PCDH9: variants seen among roughly 807,000 people sequenced by gnomAD.
The protein encoded by PCDH9 is protocadherin-9.
In PCDH9, 24 loss-of-function variants were observed where a neutral mutation model predicts 70.6. The ratio of observed to expected loss-of-function variants is 0.34; its 90% CI spans 0.25 to 0.48. PCDH9 has a LOEUF of 0.48. Ranked by LOEUF, PCDH9 falls within the 20% of genes least tolerant of loss-of-function variation. PCDH9 has a pLI of 0.99. For synonymous variants in PCDH9, 562 were observed against 558.5 expected (o/e 1.01, Z -0.09); for missense variants, 1,281 against 1,503.6 (o/e 0.85, Z 2.45).
At chr13:66,626,951 CTGTGTGTG>C (rs10559380) in intron 4 of PCDH9, among the ~76,000 whole-genome samples, 114 of 147,444 alleles carry the variant, frequency 7.7e-4, no homozygotes, top group African/African-American at 2.1e-3. Context: ...TCAAATGCCA[CTGTGTGTG>C]TGTGTGTGTG....
intron 2 of PCDH9, among the ~76,000 whole-genome samples, chr13:67,128,921 C>T (rs868253681): frequency 1.3e-5 from 2 of 152,152 alleles, no homozygotes; most frequent in South Asian, 2.1e-4. Context: ...AAGGGGATAG[C>T]AGTGGTAAGT....
intron 4 of PCDH9, among the ~76,000 whole-genome samples, chr13:66,405,235 A>G (rs552651606): frequency 5.9e-5 from 9 of 151,886 alleles, no homozygotes; most frequent in Non-Finnish European, 1.2e-4. Context: ...TCACTTCTTC[A>G]TTTCTCTTTA....
chr13:66,712,747 A>G (rs1344263651), intron 3 of PCDH9, among the ~76,000 whole-genome samples: 2 of 152,112 alleles, frequency 1.3e-5, no homozygotes, highest in Admixed American at 6.5e-5. Context: ...TTGCACACAC[A>G]TTATATATTT....
At position 67,104,710 on chromosome 13, in the gene PCDH9, G is replaced by A. The variant is rs1594517379; in HGVS notation, c.3036+120695C>T. On this transcript the variant is annotated intron_variant, in intron 2 of 4. Coordinates refer to ENST00000377865, the MANE Select transcript of PCDH9 (RefSeq NM_203487.3). ...ACTACAAGCGCCCACCACCACGCTA[G>A]GCTAATTTTTTTGTATTTTTAGTAG... Among the ~76,000 whole-genome samples, 3 of 152,190 alleles carry A rather than the reference G, an allele frequency of 2.0e-5. No homozygotes were observed. The South Asian group carries it at 6.2e-4, about 32-fold the overall frequency.
chr13:67,042,317 A>G (rs2085136360), intron 2 of PCDH9, among the ~76,000 whole-genome samples: 2 of 152,156 alleles, frequency 1.3e-5, no homozygotes, highest in African/African-American at 4.8e-5. Flanking sequence ...ATGGCTGGGG[A>G]GGCATTAGGA....
chr13:66,511,832 A>T (rs1265507637), intron 4 of PCDH9, among the ~76,000 whole-genome samples: 1 of 152,076 alleles, frequency 6.6e-6, no homozygotes, highest in East Asian at 1.9e-4. Context: ...AAGCTTCCTG[A>T]GGCCGCCCCA....
chr13:66,996,434 G>A (rs1451053413), intron 2 of PCDH9, among the ~76,000 whole-genome samples: 2 of 152,038 alleles, frequency 1.3e-5, no homozygotes, highest in East Asian at 1.9e-4. Context: ...TTTAATTAGG[G>A]TGGGTGAGGT....
intron 3 of PCDH9, among the ~76,000 whole-genome samples, chr13:66,641,345 A>G (rs931879208): frequency 2.6e-5 from 4 of 152,236 alleles, no homozygotes; most frequent in African/African-American, 9.6e-5. Context: ...CACAAAAACA[A>G]GCAGTCACGT....
At chr13:66,394,636 T>C (rs1041790122) in intron 4 of PCDH9, among the ~76,000 whole-genome samples, 1 of 152,204 alleles carries the variant, frequency 6.6e-6, no homozygotes, top group African/African-American at 2.4e-5. Context: ...CATTTAAATA[T>C]ATATTAAGTG....
chr13:67,068,217 T>C (rs1034146313), intron 2 of PCDH9, among the ~76,000 whole-genome samples: 1 of 151,840 alleles, frequency 6.6e-6, no homozygotes, highest in African/African-American at 2.4e-5. Flanking sequence ...AAATGGAGTC[T>C]ATAAAATATG....
chr13:67,057,991 C>T (rs2085456089), intron 2 of PCDH9, among the ~76,000 whole-genome samples: 1 of 152,052 alleles, frequency 6.6e-6, no homozygotes, highest in Admixed American at 6.6e-5. Flanking sequence ...CTTACACATT[C>T]CCAATTTATA....
intron 2 of PCDH9, among the ~76,000 whole-genome samples, chr13:66,964,462 C>T (rs542244419): frequency 6.6e-6 from 1 of 151,912 alleles, no homozygotes; most frequent in Admixed American, 6.6e-5. Flanking sequence ...TTTGATCTAC[C>T]AGGTCACTGT....
intron 4 of PCDH9, among the ~76,000 whole-genome samples, chr13:66,423,128 T>A (rs540920754): frequency 4.6e-5 from 7 of 152,194 alleles, no homozygotes; most frequent in African/African-American, 1.7e-4. Flanking sequence ...AATCCCTGAA[T>A]AGACCAATAA....
chr13:66,733,593 G>T (rs1316925041), intron 3 of PCDH9, among the ~76,000 whole-genome samples: 1 of 151,582 alleles, frequency 6.6e-6, no homozygotes, highest in Non-Finnish European at 1.5e-5. Flanking sequence ...TGGAAAATCT[G>T]TTAAGTGGCA....
intron 2 of PCDH9, among the ~76,000 whole-genome samples, chr13:67,074,437 A>G (rs1362123386): frequency 2.0e-5 from 3 of 152,122 alleles, no homozygotes; most frequent in African/African-American, 7.2e-5. Flanking sequence ...TTTTGTTGTT[A>G]AGCTACCTGC....
At chr13:67,095,267 T>C (rs2086297200) in intron 2 of PCDH9, among the ~76,000 whole-genome samples, 1 of 152,132 alleles carries the variant, frequency 6.6e-6, no homozygotes, top group Non-Finnish European at 1.5e-5. Context: ...ACTCTATATA[T>C]CACAATTGAA....
intron 4 of PCDH9, among the ~76,000 whole-genome samples, chr13:66,421,661 A>C (rs1957569233): frequency 6.6e-6 from 1 of 152,346 alleles, no homozygotes; most frequent in East Asian, 1.9e-4. Flanking sequence ...TCCTGAAGAA[A>C]GCACTAAATA....
chr13:67,127,027 A>T (rs1275068895), intron 2 of PCDH9, among the ~76,000 whole-genome samples: 1 of 152,158 alleles, frequency 6.6e-6, no homozygotes. Context: ...ACTATGTCTT[A>T]GGTGGGAAAC....
chr13:67,090,349 C>T (rs1029303993), intron 2 of PCDH9, among the ~76,000 whole-genome samples: 9 of 151,946 alleles, frequency 5.9e-5, no homozygotes, highest in Admixed American at 1.3e-4. Context: ...TTAGACAACA[C>T]TTTGAATAGC....
Sources: allele counts gnomAD v4.1 joint callset (sites outside exome capture counted in the v4.1 genomes callset), GRCh38; gene constraint gnomAD v4.1.1; transcripts MANE v1.5; gene names NCBI Gene and HGNC (gene_info 2026-07-23, HGNC 2026-07-21).